Variants in TAFA2 observed in about 807,000 individuals in gnomAD.
TAFA2 encodes chemokine-like protein TAFA-2.
A neutral mutation model predicts 18.8 loss-of-function variants in TAFA2; 7 were observed. That is an observed-to-expected ratio of 0.37 (90% CI 0.21 to 0.70). TAFA2 has a LOEUF of 0.70. Ranked by LOEUF, TAFA2 falls within the 30% of genes least tolerant of loss-of-function variation. The pLI is 0.53. For missense variants in TAFA2, 122 were observed against 158.1 expected, an observed-to-expected ratio of 0.77 and a Z score of 1.23; for synonymous variants, 60 against 54.2, an observed-to-expected ratio of 1.11 and a Z score of -0.47.
At chr12:61,919,522 A>G (rs1307877904) in intron 1 of TAFA2, among the ~76,000 whole-genome samples, 1 of 152,148 alleles carries the variant, frequency 6.6e-6, no homozygotes, top group South Asian at 2.1e-4. Flanking sequence ...CATGGCTCCT[A>G]AGTTCCATGT....
intron 4 of TAFA2, among the ~76,000 whole-genome samples, chr12:61,731,133 G>A (rs546801264): frequency 3.3e-5 from 5 of 152,066 alleles, no homozygotes; most frequent in South Asian, 4.1e-4. Flanking sequence ...TTCTACTTTC[G>A]TATCTTGCTC....
At chr12:62,153,069 A>T (rs1162819421) in intron 1 of TAFA2, among the ~76,000 whole-genome samples, 1 of 152,196 alleles carries the variant, frequency 6.6e-6, no homozygotes, top group East Asian at 1.9e-4. Context: ...ATGAATGAAT[A>T]CAATGTCTAA....
intron 1 of TAFA2, among the ~76,000 whole-genome samples, chr12:62,183,664 C>T (rs1014956545): frequency 4.6e-5 from 7 of 152,138 alleles, no homozygotes; most frequent in South Asian, 2.1e-4. Context: ...GGATTACAAG[C>T]GTGAGTCACT....
At chr12:62,124,898 C>A (rs1271450623) in intron 1 of TAFA2, among the ~76,000 whole-genome samples, 1 of 152,090 alleles carries the variant, frequency 6.6e-6, no homozygotes, top group Non-Finnish European at 1.5e-5. Flanking sequence ...AAGGGTCAAT[C>A]AAGACTCCAG....
intron 1 of TAFA2, among the ~76,000 whole-genome samples, chr12:62,106,724 C>T (rs780479584): frequency 1.3e-5 from 2 of 152,194 alleles, no homozygotes; most frequent in South Asian, 2.1e-4. Context: ...CTCCAACACT[C>T]GCCCCTAACA....
At chr12:61,880,298 G>A (rs976424205) in intron 1 of TAFA2, 2 of 480,314 alleles carry the variant, frequency 4.2e-6, no homozygotes, top group Non-Finnish European at 8.3e-6. Context: ...GGGCCTCAAA[G>A]GCCAGAGGGC....
At chr12:62,135,604 G>A (rs1402420740) in intron 1 of TAFA2, among the ~76,000 whole-genome samples, 1 of 151,996 alleles carries the variant, frequency 6.6e-6, no homozygotes, top group East Asian at 1.9e-4. Context: ...ATAAAAAATA[G>A]ATTTCACATA....
chr12:61,769,735 G>C (rs2120836481), intron 2 of TAFA2, among the ~76,000 whole-genome samples: 1 of 152,178 alleles, frequency 6.6e-6, no homozygotes, highest in East Asian at 1.9e-4. Flanking sequence ...CAAAAAATCT[G>C]ATCAGCAGCC....
intron 1 of TAFA2, among the ~76,000 whole-genome samples, chr12:62,079,232 ACACC>A (rs1159835860): frequency 6.6e-6 from 1 of 152,168 alleles, no homozygotes. Context: ...TTGGTCCCAT[ACACC>A]CAGCTACAAC....
intron 1 of TAFA2, among the ~76,000 whole-genome samples, chr12:62,130,439 A>G (rs538727502): frequency 6.6e-6 from 1 of 152,152 alleles, no homozygotes; most frequent in South Asian, 2.1e-4. Context: ...GATATATTAT[A>G]TTAATATAAA....
chr12:62,013,021 T>C (rs1592549281), intron 1 of TAFA2, among the ~76,000 whole-genome samples: 1 of 152,172 alleles, frequency 6.6e-6, no homozygotes, highest in Non-Finnish European at 1.5e-5. Context: ...CATAGTCCCA[T>C]GTTTAAAGCA....
chr12:62,153,011 C>T (rs559846191), intron 1 of TAFA2, among the ~76,000 whole-genome samples: 7 of 152,214 alleles, frequency 4.6e-5, no homozygotes, highest in Middle Eastern at 3.4e-3. Flanking sequence ...CTAGCACCAC[C>T]GCCTCACCCA....
intron 2 of TAFA2, among the ~76,000 whole-genome samples, chr12:61,812,214 C>T (rs569905940): frequency 6.6e-6 from 1 of 151,426 alleles, no homozygotes; most frequent in Non-Finnish European, 1.5e-5. Context: ...AACTTAAACT[C>T]CCTCTGAAGG....
intron 4 of TAFA2, among the ~76,000 whole-genome samples, chr12:61,728,724 A>C (rs1870295417): frequency 6.6e-6 from 1 of 152,032 alleles, no homozygotes; most frequent in South Asian, 2.1e-4. Flanking sequence ...CATTTAGGCC[A>C]TATACATTCA....
chr12:61,751,311 C>T (rs1198665303), intron 4 of TAFA2, among the ~76,000 whole-genome samples: 4 of 152,034 alleles, frequency 2.6e-5, no homozygotes, highest in Non-Finnish European at 1.5e-5. Context: ...CTAAATTGCA[C>T]ATTTTTGCCT....
At chr12:61,935,902 C>G (rs1326314859) in intron 1 of TAFA2, among the ~76,000 whole-genome samples, 1 of 151,696 alleles carries the variant, frequency 6.6e-6, no homozygotes, top group African/African-American at 2.4e-5. Context: ...CAGAGCAATT[C>G]ACAGCTGAAT....
At chr12:62,240,165 T>C (rs2062855997) in intron 1 of TAFA2, among the ~76,000 whole-genome samples, 1 of 152,044 alleles carries the variant, frequency 6.6e-6, no homozygotes, top group Non-Finnish European at 1.5e-5. Context: ...ACATCTGTAA[T>C]CCCAGCACTC....
intron 1 of TAFA2, among the ~76,000 whole-genome samples, chr12:62,114,952 A>G (rs1405010726): frequency 1.3e-5 from 2 of 152,170 alleles, no homozygotes; most frequent in African/African-American, 4.8e-5. Flanking sequence ...CCATATTCTA[A>G]TTCAAGGGGC....
At chr12:62,209,515 C>A (rs1330803063) in intron 1 of TAFA2, among the ~76,000 whole-genome samples, 1 of 152,328 alleles carries the variant, frequency 6.6e-6, no homozygotes, top group East Asian at 1.9e-4. Context: ...GACTAATACA[C>A]ATGTGAAAGT....
Sources: gnomAD v4.1 joint callset for allele counts (sites outside exome capture counted in the v4.1 genomes callset) on GRCh38, gnomAD v4.1.1 for gene constraint, MANE v1.5 for transcripts, NCBI Gene and HGNC (gene_info 2026-07-23, HGNC 2026-07-21) for gene names.